The following MAP7 variants were observed in gnomAD, a reference collection of about 807,000 sequenced individuals.
MAP7 encodes microtubule associated protein 7.
A neutral mutation model predicts 94.8 loss-of-function variants in MAP7; 52 were observed. The ratio of observed to expected loss-of-function variants is 0.55; its 90% CI spans 0.44 to 0.69. MAP7 has a LOEUF of 0.69. Ranked by LOEUF, MAP7 falls within the 30% of genes least tolerant of loss-of-function variation. The pLI is 0.00. For missense variants in MAP7, 940 were observed against 964.6 expected, an observed-to-expected ratio of 0.97 and a Z score of 0.34; for synonymous variants, 350 against 357.0, an observed-to-expected ratio of 0.98 and a Z score of 0.22.
At chr6:136,394,658 C>T (rs1034923593) in intron 3 of MAP7, among the ~76,000 whole-genome samples, 14 of 151,396 alleles carry the variant, frequency 9.2e-5, no homozygotes, top group African/African-American at 3.4e-4. Context: ...CTATTGAATA[C>T]TAGAATTTAT....
rs1223880966 is a variant in MAP7 at position 136,487,814 on chromosome 6, G to T, written c.67+62528C>A. 3.3e-5 allele frequency among the ~76,000 whole-genome samples: 5 copies of T among 152,226 alleles called. No individual in the cohort carries two copies. In the East Asian group the frequency reaches 9.6e-4, roughly 29 times the overall value. ...TGAGAGATGTCTAGAGGCGATTTCT[G>T]TTCACAATTTTCTGTGTTCCAGTTG... On this transcript the variant is annotated intron_variant, in intron 1 of 17. Transcript: ENST00000354570.
At chr6:136,408,367 AAAAGCATC>A (rs1786280639) in intron 3 of MAP7, among the ~76,000 whole-genome samples, 1 of 152,236 alleles carries the variant, frequency 6.6e-6, no homozygotes, top group African/African-American at 2.4e-5. Context: ...ATCCTACTAT[AAAAGCATC>A]AAAGCATGAC....
intron 2 of MAP7, 112 bp downstream of exon 2, chr6:136,421,589 G>C (rs777158813): frequency 2.3e-5 from 22 of 963,346 alleles, no homozygotes; most frequent in Non-Finnish European, 3.4e-5. Context: ...TCCTAAATTC[G>C]AGTTTTCTGG....
rs550796768 is a variant in MAP7, at chr6:136,391,407, C to T, written c.245-1890G>A. Among the ~76,000 whole-genome samples, 498 of 85,232 alleles carry T rather than the reference C, an allele frequency of 5.8e-3. 4 individuals are homozygous for T. Among genetic ancestry groups the T allele is most frequent in the African/African-American group, 0.021 (472 of 22,612 alleles). The allele number at this position is 85,232 out of a possible 152,430, so 55.9% of individuals were successfully genotyped here. On this transcript the variant is annotated intron_variant, in intron 3 of 17. Coordinates refer to ENST00000354570, the MANE Select transcript of MAP7 (RefSeq NM_003980.6). The stretch of plus-strand genomic sequence containing the variant: ...CACACTCTGGGGACTGTGGTGGGGT[C>T]GGGGGAGGGGGGAGGGATAGCATTG...
In MAP7 at chr6:136,490,557, T is replaced by G. The variant is rs148181915; in HGVS notation, c.67+59785A>C. ...TATTAAGTTGACTACAATTCAATAT[T>G]ATCAACCAACACATGAATTGCTTCT... On this transcript the variant is annotated intron_variant, in intron 1 of 17. Transcript: ENST00000354570. 3.9e-3 allele frequency among the ~76,000 whole-genome samples: 596 copies of G among 152,320 alleles called. 5 individuals carry two copies. The highest frequency in any genetic ancestry group is 0.014 in the African/African-American group (573 of 41,576).
chr6:136,381,919 C>CACACACACACAGAGAG (rs373754692), intron 6 of MAP7, among the ~76,000 whole-genome samples: 1 of 102,976 alleles, frequency 9.7e-6, no homozygotes, highest in African/African-American at 3.8e-5. Context: ...CACACACACA[C>CACACACACACAGAGAG]AGAGAGAGAG....
chr6:136,467,039 A>G, intron 1 of MAP7: 2 of 365,476 alleles, frequency 5.5e-6, no homozygotes, highest in Non-Finnish European at 7.6e-6. Flanking sequence ...CTTCTGTTCA[A>G]AAAAGCCAGT....
chr6:136,435,388 T>C (rs1338725897), intron 1 of MAP7, among the ~76,000 whole-genome samples: 1 of 152,220 alleles, frequency 6.6e-6, no homozygotes, highest in Non-Finnish European at 1.5e-5. Flanking sequence ...TCCAGAATTG[T>C]AGAGGAATCA....
intron 1 of MAP7, among the ~76,000 whole-genome samples, chr6:136,533,617 T>C (rs1828650914): frequency 6.6e-6 from 1 of 152,198 alleles, no homozygotes; most frequent in Admixed American, 6.5e-5. Context: ...GGCTTAGAGT[T>C]CTGCAGACTG....
At chr6:136,428,864 G>A (rs956952854) in intron 1 of MAP7, among the ~76,000 whole-genome samples, 10 of 152,104 alleles carry the variant, frequency 6.6e-5, no homozygotes, top group Admixed American at 6.5e-4. Context: ...ATAATCTCCA[G>A]AATAACATGA....
At chr6:136,446,790 AC>A (rs1799499746) in intron 1 of MAP7, among the ~76,000 whole-genome samples, 1 of 152,232 alleles carries the variant, frequency 6.6e-6, no homozygotes, top group Non-Finnish European at 1.5e-5. Context: ...AAGGGTAATC[AC>A]CAACTTTGGC....
intron 1 of MAP7, among the ~76,000 whole-genome samples, chr6:136,519,463 TA>T (rs1162367876): frequency 6.6e-6 from 1 of 152,218 alleles, no homozygotes; most frequent in African/African-American, 2.4e-5. Context: ...AATGATTCTA[TA>T]GAGGCATTCA....
chr6:136,352,923 TA>T (rs1192647462), intron 16 of MAP7, among the ~76,000 whole-genome samples: 1 of 152,176 alleles, frequency 6.6e-6, no homozygotes, highest in African/African-American at 2.4e-5. Flanking sequence ...AAGGCAAAAA[TA>T]CAGATTGTTT....
intron 15 of MAP7, 23 bp downstream of exon 15, chr6:136,359,797 T>C: frequency 6.2e-7 from 1 of 1,605,682 alleles, no homozygotes; most frequent in Non-Finnish European, 8.5e-7. Flanking sequence ...TATAAATTGG[T>C]TTGAGTTCAT....
intron 1 of MAP7, among the ~76,000 whole-genome samples, chr6:136,481,525 TTG>T (rs1402061113): frequency 6.6e-6 from 1 of 152,188 alleles, no homozygotes; most frequent in Non-Finnish European, 1.5e-5. Flanking sequence ...AAGACAGACT[TTG>T]TGTGTTCTCA....
intron 1 of MAP7, among the ~76,000 whole-genome samples, chr6:136,456,818 AGAAG>A (rs1464218531): frequency 2.1e-5 from 2 of 97,234 alleles, no homozygotes; most frequent in African/African-American, 3.8e-5. Flanking sequence ...AAGAAGAAGA[AGAAG>A]GAAGAAGAAG....
chr6:136,505,277 G>GTGTATATATATATATATATATATA (rs1465266004), intron 1 of MAP7, among the ~76,000 whole-genome samples: 5 of 53,832 alleles, frequency 9.3e-5, no homozygotes, highest in East Asian at 7.7e-4. Context: ...GTGTGTGTGT[G>GTGTATATATATATATATATATATA]TATATATATA....
chr6:136,367,439 T>C (rs1468053081), intron 8 of MAP7, among the ~76,000 whole-genome samples: 3 of 152,290 alleles, frequency 2.0e-5, no homozygotes, highest in South Asian at 4.2e-4. Flanking sequence ...TTTTCTTCTC[T>C]CCTTTTCTGC....
chr6:136,510,386 G>A (rs1035559508), intron 1 of MAP7, among the ~76,000 whole-genome samples: 1 of 152,190 alleles, frequency 6.6e-6, no homozygotes, highest in African/African-American at 2.4e-5. Flanking sequence ...CAGCCTGCAA[G>A]GAAGGCCCAG....
Sources: allele counts gnomAD v4.1 joint callset (sites outside exome capture counted in the v4.1 genomes callset), GRCh38; gene constraint gnomAD v4.1.1; transcripts MANE v1.5; gene names NCBI Gene and HGNC (gene_info 2026-07-23, HGNC 2026-07-21).